The following PDS5B variants were observed in gnomAD, a reference collection of about 807,000 sequenced individuals.
The protein encoded by PDS5B is PDS5 cohesin associated factor B.
PDS5B carries 51 observed loss-of-function variants against 184.1 expected under a neutral mutation model. The observed-to-expected ratio is 0.28, with a 90% CI of 0.22 to 0.35. The LOEUF is 0.35. PDS5B is among the 10% of genes least tolerant of loss of function. The probability of loss-of-function intolerance (pLI) is 1.00; values close to 1 mark genes in which losing one functional copy is unlikely to be tolerated. For missense variants in PDS5B, 1,180 were observed against 1,723.3 expected, an observed-to-expected ratio of 0.68 and a Z score of 5.58; for synonymous variants, 566 against 569.2, an observed-to-expected ratio of 0.99 and a Z score of 0.08.
intron 1 of PDS5B, among the ~76,000 whole-genome samples, chr13:32,637,422 G>C (rs1218425244): frequency 1.3e-5 from 2 of 151,950 alleles, no homozygotes; most frequent in African/African-American, 4.8e-5. Context: ...TTTTTTGGAG[G>C]GAGAAAAAAA....
At position 32,696,930 on chromosome 13, in the gene PDS5B, ATG is replaced by A. The variant is rs765890658; in HGVS notation, c.1600+30_1600+31del. ...AAGTTATTTTAAAATCTGTATAAAA[ATG>A]TAATTTTTATTGGAACATTTTTTAT... is the stretch of plus-strand genomic sequence containing the variant. On this transcript the variant is annotated intron_variant, in intron 15 of 34. Transcript: ENST00000315596. 3 of 1,330,964 alleles carry A rather than the reference ATG, an allele frequency of 2.3e-6. No homozygotes were observed. The Admixed American group carries it at 6.0e-5, about 27-fold the overall frequency. 82.4% of individuals were successfully genotyped at this position (1,330,964 alleles called of 1,614,324 possible).
intron 1 of PDS5B, among the ~76,000 whole-genome samples, chr13:32,638,976 G>A (rs1459760154): frequency 2.0e-5 from 3 of 151,914 alleles, no homozygotes; most frequent in Admixed American, 6.6e-5. Context: ...GGGCGGGGGC[G>A]GCGTTGTACA....
intron 24 of PDS5B, among the ~76,000 whole-genome samples, chr13:32,750,993 A>G (rs992699467): frequency 2.0e-5 from 3 of 152,128 alleles, no homozygotes; most frequent in Non-Finnish European, 1.5e-5. Context: ...GGTGATAAGC[A>G]TAGTACCCAA....
chr13:32,705,712 C>T (rs1951990522), intron 17 of PDS5B, among the ~76,000 whole-genome samples: 1 of 152,124 alleles, frequency 6.6e-6, no homozygotes, highest in African/African-American at 2.4e-5. Context: ...TAGGGTCTCA[C>T]TCTGCCACCC....
intron 25 of PDS5B, 111 bp downstream of exon 25, chr13:32,753,647 T>A: frequency 1.5e-6 from 1 of 666,112 alleles, no homozygotes; most frequent in Non-Finnish European, 2.4e-6. Flanking sequence ...TGATTAACAA[T>A]TTTTATTACC....
At chr13:32,705,149 TC>T (rs2140881316) in intron 17 of PDS5B, among the ~76,000 whole-genome samples, 1 of 152,310 alleles carries the variant, frequency 6.6e-6, no homozygotes, top group South Asian at 2.1e-4. Flanking sequence ...TCCATCTTGT[TC>T]TCTGATGATC....
chr13:32,746,084 G>C lies in PDS5B; in HGVS notation c.2720G>C (p.Cys907Ser). Reference protein sequence around the residue: ...EIITLEQYQLCALAINDECYQ... With the variant: ...EIITLEQYQLSALAINDECYQ... The stretch of plus-strand genomic sequence containing the variant: ...ATCACATTAGAACAATATCAGCTAT[G>C]TGCATTAGCTATCAACGTAAGGAAA... The change falls in exon 24 of 35, where the codon TGT becomes TCT. Residue 907 changes from cysteine (C) to serine (S), a missense_variant. By Grantham distance (112) the Cys-to-Ser change is moderately radical. Transcript: ENST00000315596. 6.2e-7 allele frequency: 1 copy of C among 1,612,388 alleles called. No individual in the cohort carries two copies. Among genetic ancestry groups the C allele is most frequent in the Non-Finnish European group, 8.5e-7 (1 of 1,178,702 alleles).
At chr13:32,650,288 A>G (rs1284646834) in intron 2 of PDS5B, 2 of 152,170 alleles carry the variant, frequency 1.3e-5, no homozygotes, top group Non-Finnish European at 2.9e-5. Context: ...ATTATTTTGT[A>G]GACATTTATG....
At position 32,649,007 on chromosome 13, in the gene PDS5B, A is replaced by G. The variant is rs182702194; in HGVS notation, c.108+127A>G. ...CAAAGCAAAGCAGCAAATGGCATAGAAAAGATCTAAGGGAGTAGAGTATAT... is the reference window on the plus strand; with the variant it reads ...CAAAGCAAAGCAGCAAATGGCATAGGAAAGATCTAAGGGAGTAGAGTATAT... On this transcript the variant is annotated intron_variant, in intron 2 of 34. Coordinates refer to ENST00000315596, the MANE Select transcript of PDS5B (RefSeq NM_015032.4). 1,004 of 661,970 alleles carry G rather than the reference A, an allele frequency of 1.5e-3. 2 individuals carry two copies. The highest frequency in any genetic ancestry group is 2.2e-3 in the Non-Finnish European group (802 of 366,214). The allele number at this position is 661,970 out of a possible 1,614,324, so 41.0% of individuals were successfully genotyped here. A position where few individuals can be genotyped will look rare whatever the true frequency, so the allele number is the denominator to read the frequency against.
chr13:32,687,927 A>G (rs981711945), intron 12 of PDS5B, among the ~76,000 whole-genome samples: 2 of 152,174 alleles, frequency 1.3e-5, no homozygotes, highest in African/African-American at 4.8e-5. Context: ...GATACTAAAA[A>G]CTGGATTATC....
intron 8 of PDS5B, among the ~76,000 whole-genome samples, chr13:32,674,726 G>A (rs1239006252): frequency 6.6e-6 from 1 of 151,882 alleles, no homozygotes; most frequent in Non-Finnish European, 1.5e-5. Context: ...AAAGGAAACA[G>A]CATGCAGAAG....
intron 1 of PDS5B, among the ~76,000 whole-genome samples, chr13:32,588,473 T>TA (rs2057725447): frequency 6.6e-6 from 1 of 152,242 alleles, no homozygotes; most frequent in African/African-American, 2.4e-5. Flanking sequence ...CTGATGGTTT[T>TA]AAAAATTGTT....
intron 3 of PDS5B, among the ~76,000 whole-genome samples, chr13:32,653,362 A>C (rs1950419254): frequency 6.6e-6 from 1 of 152,224 alleles, no homozygotes; most frequent in African/African-American, 2.4e-5. Context: ...ATTAATCCAC[A>C]GTGTGAAAAA....
intron 19 of PDS5B, among the ~76,000 whole-genome samples, chr13:32,720,181 T>G (rs952408882): frequency 3.3e-5 from 5 of 152,202 alleles, no homozygotes; most frequent in African/African-American, 9.7e-5. Flanking sequence ...AACAGGAAAT[T>G]TATAAGCAGG....
rs146993780 is a variant in PDS5B at position 32,613,968 on chromosome 13, T to C, written c.-20+27375T>C. ...TCTTTTGCGTGTTGATAACCTGTTC[T>C]GTCACCGTTTGTTGAAAAGACTGTT... On this transcript the variant is annotated intron_variant, in intron 1 of 34. Transcript: ENST00000315596. Among the ~76,000 whole-genome samples, 208 of 152,328 alleles carry C rather than the reference T, an allele frequency of 1.4e-3. 1 individual carries two copies. The highest frequency in any genetic ancestry group is 1.9e-3 in the Non-Finnish European group (129 of 68,034).
chr13:32,732,875 A>G (rs1220418623), intron 20 of PDS5B, among the ~76,000 whole-genome samples: 2 of 152,120 alleles, frequency 1.3e-5, no homozygotes, highest in Non-Finnish European at 2.9e-5. Context: ...AGTAGAGTCA[A>G]AACAATTTAG....
At chr13:32,722,175 C>T (rs950568495) in intron 19 of PDS5B, among the ~76,000 whole-genome samples, 7 of 152,208 alleles carry the variant, frequency 4.6e-5, no homozygotes, top group Non-Finnish European at 8.8e-5. Context: ...GCCAACACGG[C>T]GAAACCCCGT....
intron 1 of PDS5B, among the ~76,000 whole-genome samples, chr13:32,630,184 A>G (rs1461551844): frequency 6.6e-6 from 1 of 152,242 alleles, no homozygotes; most frequent in East Asian, 1.9e-4. Context: ...AATGTACATT[A>G]TCACATGCAT....
At chr13:32,769,973 ATAAATACAGTTCTGGTGTATT>A in intron 31 of PDS5B, 127 bp from the exon 32 acceptor site, 1 of 571,790 alleles carries the variant, frequency 1.7e-6, no homozygotes, top group East Asian at 3.2e-5. Flanking sequence ...ATAAAAGCAA[ATAAATACAGTTCTGGTGTATT>A]TAAGAGCTGT....
Sources: allele counts gnomAD v4.1 joint callset (sites outside exome capture counted in the v4.1 genomes callset), GRCh38; gene constraint gnomAD v4.1.1; transcripts MANE v1.5; gene names NCBI Gene and HGNC (gene_info 2026-07-23, HGNC 2026-07-21).